The following FRMD4A variants were observed in gnomAD, a reference collection of about 807,000 sequenced individuals.
The protein encoded by FRMD4A is FERM domain-containing protein 4A.
A neutral mutation model predicts 129.1 loss-of-function variants in FRMD4A; 29 were observed. The observed-to-expected ratio is 0.22, with a 90% CI of 0.17 to 0.31. FRMD4A has a LOEUF of 0.31. FRMD4A is among the 10% of genes least tolerant of loss of function. The pLI is 1.00. For synonymous variants in FRMD4A, 634 were observed against 571.6 expected, an observed-to-expected ratio of 1.11 and a Z score of -1.56; for missense variants, 1,272 against 1,375.8, an observed-to-expected ratio of 0.92 and a Z score of 1.19.
chr10:14,077,117 G>T (rs1328436468), intron 2 of FRMD4A, among the ~76,000 whole-genome samples: 1 of 152,210 alleles, frequency 6.6e-6, no homozygotes, highest in East Asian at 1.9e-4. Flanking sequence ...ACACCTAGAG[G>T]AGTGAGGAGA....
At chr10:13,907,385 G>T (rs2094892887) in intron 2 of FRMD4A, among the ~76,000 whole-genome samples, 2 of 152,134 alleles carry the variant, frequency 1.3e-5, no homozygotes, top group Admixed American at 1.3e-4. Flanking sequence ...AATTCCAATT[G>T]TATAGATCCA....
At chr10:13,751,209 G>C (rs1423208012) in intron 8 of FRMD4A, among the ~76,000 whole-genome samples, 1 of 152,126 alleles carries the variant, frequency 6.6e-6, no homozygotes, top group Non-Finnish European at 1.5e-5. Flanking sequence ...CCAAACCCTT[G>C]CTTGTTGGCA....
rs567936870 is a variant in FRMD4A at position 14,309,475 on chromosome 10, C to G, written c.45+20583G>C. ...AAAAACAAAAACAAAACAAAACAAA[C>G]AACAACAACAACAAAACCGTATAGA... On this transcript the variant is annotated intron_variant, in intron 2 of 24. Coordinates refer to ENST00000357447, the MANE Select transcript of FRMD4A (RefSeq NM_018027.5). 1.2e-3 allele frequency among the ~76,000 whole-genome samples: 186 copies of G among 152,086 alleles called. 1 individual carries two copies. Among genetic ancestry groups the G allele is most frequent in the African/African-American group, 4.3e-3 (177 of 41,500 alleles).
chr10:13,822,060 T>C (rs1362620863), intron 3 of FRMD4A, among the ~76,000 whole-genome samples: 1 of 152,174 alleles, frequency 6.6e-6, no homozygotes, highest in Non-Finnish European at 1.5e-5. Flanking sequence ...TATATATATA[T>C]ATACATACAC....
chr10:13,743,407 T>C (rs184906210), intron 9 of FRMD4A, among the ~76,000 whole-genome samples: 46 of 152,222 alleles, frequency 3.0e-4, no homozygotes, highest in Middle Eastern at 3.4e-3. Context: ...AGTCGACTCC[T>C]AGATCCAGGG....
chr10:14,160,537 A>G (rs1206973609), intron 2 of FRMD4A, among the ~76,000 whole-genome samples: 1 of 152,242 alleles, frequency 6.6e-6, no homozygotes, highest in Admixed American at 6.5e-5. Context: ...TAAACTATTC[A>G]TCTGACAAGG....
intron 2 of FRMD4A, among the ~76,000 whole-genome samples, chr10:13,939,082 A>C (rs752221369): frequency 1.3e-5 from 2 of 152,188 alleles, no homozygotes; most frequent in Non-Finnish European, 2.9e-5. Context: ...AAGATTGAGA[A>C]ACCCGAGGGT....
chr10:14,265,905 T>C (rs1471079313), intron 2 of FRMD4A, among the ~76,000 whole-genome samples: 1 of 152,166 alleles, frequency 6.6e-6, no homozygotes, highest in African/African-American at 2.4e-5. Flanking sequence ...CTCTTTGTGT[T>C]GGGCAAATGC....
chr10:13,738,562 AG>A (rs1390486621), intron 11 of FRMD4A, among the ~76,000 whole-genome samples: 2 of 152,168 alleles, frequency 1.3e-5, no homozygotes, highest in East Asian at 3.9e-4. Flanking sequence ...GCTGTTGGAC[AG>A]GGTAGCACAG....
At chr10:14,032,046 A>G (rs1459243331) in intron 2 of FRMD4A, among the ~76,000 whole-genome samples, 1 of 152,110 alleles carries the variant, frequency 6.6e-6, no homozygotes, top group African/African-American at 2.4e-5. Context: ...AGACTCAAGC[A>G]ATCCTCAGGC....
At chr10:14,029,368 G>T (rs1020312389) in intron 2 of FRMD4A, among the ~76,000 whole-genome samples, 3 of 152,006 alleles carry the variant, frequency 2.0e-5, no homozygotes, top group Middle Eastern at 3.2e-3. Flanking sequence ...GAGTATTATA[G>T]ATTTCTGCAG....
chr10:14,205,061 CTTTTT>C (rs57239612), intron 2 of FRMD4A, among the ~76,000 whole-genome samples: 3 of 97,542 alleles, frequency 3.1e-5, no homozygotes, highest in Admixed American at 1.1e-4. Flanking sequence ...TCTTTTCTTT[CTTTTT>C]TTTTTTTTTT....
intron 17 of FRMD4A, chr10:13,667,472 G>T (rs1444067606): frequency 6.6e-6 from 1 of 152,224 alleles, no homozygotes; most frequent in Non-Finnish European, 1.5e-5. Flanking sequence ...GGACCGGGAA[G>T]AATGAAGCTG....
intron 2 of FRMD4A, among the ~76,000 whole-genome samples, chr10:14,265,298 GC>G (rs1844940607): frequency 6.6e-6 from 1 of 152,040 alleles, no homozygotes; most frequent in South Asian, 2.1e-4. Flanking sequence ...TTCCTTCAAT[GC>G]CCTCAGTTTA....
chr10:13,988,784 A>G (rs2095592126), intron 2 of FRMD4A, among the ~76,000 whole-genome samples: 1 of 152,152 alleles, frequency 6.6e-6, no homozygotes, highest in African/African-American at 2.4e-5. Flanking sequence ...CCGTCTATCT[A>G]TCTATCTACC....
At chr10:13,849,107 G>A (rs375921171) in intron 3 of FRMD4A, among the ~76,000 whole-genome samples, 4 of 152,166 alleles carry the variant, frequency 2.6e-5, no homozygotes, top group South Asian at 2.1e-4. Context: ...TGATGGGATC[G>A]CAGTGAGGTG....
At chr10:14,270,043 C>T (rs944479107) in intron 2 of FRMD4A, among the ~76,000 whole-genome samples, 1 of 152,222 alleles carries the variant, frequency 6.6e-6, no homozygotes. Flanking sequence ...CCTTGGATGT[C>T]AGGACTCCAG....
intron 2 of FRMD4A, among the ~76,000 whole-genome samples, chr10:14,085,361 C>A (rs1025476886): frequency 1.3e-5 from 2 of 152,142 alleles, no homozygotes; most frequent in Admixed American, 6.5e-5. Flanking sequence ...TTTCCACGAG[C>A]CGATGGATGT....
chr10:14,124,465 C>T (rs1450620881), intron 2 of FRMD4A, among the ~76,000 whole-genome samples: 1 of 152,150 alleles, frequency 6.6e-6, no homozygotes, highest in Non-Finnish European at 1.5e-5. Flanking sequence ...CACCTGAGGT[C>T]AGGAGTTCGA....
Sources: allele counts gnomAD v4.1 joint callset (sites outside exome capture counted in the v4.1 genomes callset), GRCh38; gene constraint gnomAD v4.1.1; transcripts MANE v1.5; gene names NCBI Gene and HGNC (gene_info 2026-07-23, HGNC 2026-07-21).